The following CSMD1 variants were observed in gnomAD, a reference collection of about 807,000 sequenced individuals.
CSMD1 encodes CUB and Sushi multiple domains 1, also known as CUB and sushi domain-containing protein 1.
A neutral mutation model predicts 417.5 loss-of-function variants in CSMD1; 213 were observed. The observed-to-expected ratio is 0.51, with a 90% confidence interval of 0.46 to 0.57. The LOEUF is 0.57. Among genes scored for constraint, CSMD1 ranks in the 20% least tolerant of loss-of-function variants. The pLI, the probability that CSMD1 is intolerant of heterozygous loss-of-function variation, is 0.00. For synonymous variants in CSMD1, 2,862 were observed against 1,736.8 expected (o/e 1.65, Z -16.11); for missense variants, 6,923 against 4,529.7 (o/e 1.53, Z -15.17).
chr8:4,241,581 C>A (rs758536901), intron 3 of CSMD1, among the ~76,000 whole-genome samples: 10 of 152,130 alleles, frequency 6.6e-5, no homozygotes, highest in Non-Finnish European at 1.5e-4. Flanking sequence ...ACAGCGGACC[C>A]TAAATACCCG....
At chr8:4,446,316 C>T (rs1798785869) in intron 2 of CSMD1, among the ~76,000 whole-genome samples, 1 of 152,158 alleles carries the variant, frequency 6.6e-6, no homozygotes, top group Non-Finnish European at 1.5e-5. Context: ...GGGAGCCCAG[C>T]ATGGGTGGAT....
chr8:3,036,228 A>G (rs1311542668), intron 50 of CSMD1, among the ~76,000 whole-genome samples: 1 of 152,242 alleles, frequency 6.6e-6, no homozygotes, highest in Non-Finnish European at 1.5e-5. Context: ...AGGATAGAAG[A>G]ATAAACATTG....
At chr8:4,911,746 G>A (rs1052279175) in intron 1 of CSMD1, among the ~76,000 whole-genome samples, 6 of 151,962 alleles carry the variant, frequency 3.9e-5, no homozygotes, top group Non-Finnish European at 8.8e-5. Flanking sequence ...GGTAAATCAC[G>A]TTGGTTTCTT....
intron 10 of CSMD1, among the ~76,000 whole-genome samples, chr8:3,524,328 T>C (rs564966862): frequency 6.9e-6 from 1 of 144,082 alleles, no homozygotes; most frequent in East Asian, 2.1e-4. Flanking sequence ...CACATAAACA[T>C]GCACACACAC....
rs184343709 is a variant in CSMD1, at chr8:4,907,338, C to A, written c.85+86994G>T. Among the ~76,000 whole-genome samples, 542 of 152,256 alleles carry A rather than the reference C, an allele frequency of 3.6e-3. 3 individuals are homozygous for A. Among genetic ancestry groups the A allele is most frequent in the African/African-American group, 0.012 (517 of 41,562 alleles). On this transcript the variant is annotated intron_variant, in intron 1 of 69. Transcript: ENST00000635120. ...AACTCTCTCGCTATTAACCTTCAGA[C>A]AAAACGGCAAAAAGCTTGGGCTCCT...
chr8:4,421,629 T>TA (rs553993778), intron 2 of CSMD1, among the ~76,000 whole-genome samples: 96 of 151,916 alleles, frequency 6.3e-4, no homozygotes, highest in African/African-American at 2.3e-3. Context: ...AAAATACAGA[T>TA]AAACTGAATG....
chr8:3,343,734 T>G (rs1563292128), intron 22 of CSMD1, among the ~76,000 whole-genome samples: 1 of 152,206 alleles, frequency 6.6e-6, no homozygotes, highest in Non-Finnish European at 1.5e-5. Flanking sequence ...ATTAAATAAA[T>G]ATTTCTTTAC....
At chr8:3,651,731 C>A (rs183037628) in intron 7 of CSMD1, among the ~76,000 whole-genome samples, 2 of 151,528 alleles carry the variant, frequency 1.3e-5, no homozygotes, top group Admixed American at 1.3e-4. Context: ...CCAGCAACAG[C>A]GTGCTTACTA....
chr8:4,242,943 A>G (rs1340528851), intron 3 of CSMD1, among the ~76,000 whole-genome samples: 2 of 152,210 alleles, frequency 1.3e-5, no homozygotes, highest in Admixed American at 6.5e-5. Flanking sequence ...TCAATATATA[A>G]CATTGCATGA....
At chr8:4,528,071 C>T (rs997967332) in intron 2 of CSMD1, among the ~76,000 whole-genome samples, 3 of 152,178 alleles carry the variant, frequency 2.0e-5, no homozygotes, top group Non-Finnish European at 2.9e-5. Context: ...CCACCACATT[C>T]AGCAGCATAT....
chr8:3,083,741 T>C (rs1430606636), intron 49 of CSMD1, among the ~76,000 whole-genome samples: 1 of 141,774 alleles, frequency 7.1e-6, no homozygotes, highest in Non-Finnish European at 1.5e-5. Context: ...CTGCAGCCTC[T>C]GCCTCCTGCC....
intron 5 of CSMD1, among the ~76,000 whole-genome samples, chr8:3,850,325 C>G (rs183115829): frequency 1.3e-5 from 2 of 152,178 alleles, no homozygotes; most frequent in East Asian, 3.9e-4. Flanking sequence ...TCCATAGGGT[C>G]TCACCCCTGA....
At chr8:4,111,739 G>A (rs987004882) in intron 3 of CSMD1, among the ~76,000 whole-genome samples, 3 of 152,106 alleles carry the variant, frequency 2.0e-5, no homozygotes, top group Admixed American at 2.0e-4. Flanking sequence ...TGGAAACAGA[G>A]AGGGCAACAA....
intron 4 of CSMD1, among the ~76,000 whole-genome samples, chr8:4,023,656 G>A (rs975111026): frequency 2.7e-5 from 4 of 148,436 alleles, no homozygotes; most frequent in Non-Finnish European, 5.9e-5. Context: ...GCGCGATCTC[G>A]GCTCACTGCA....
intron 9 of CSMD1, among the ~76,000 whole-genome samples, chr8:3,577,440 C>T (rs1800197890): frequency 6.6e-6 from 1 of 152,030 alleles, no homozygotes; most frequent in Non-Finnish European, 1.5e-5. Context: ...TCCGTCTTTG[C>T]AACATATTTT....
intron 3 of CSMD1, among the ~76,000 whole-genome samples, chr8:4,397,867 C>T (rs777671675): frequency 9.9e-5 from 15 of 152,080 alleles, no homozygotes; most frequent in Non-Finnish European, 2.2e-4. Context: ...CTAATTAAAA[C>T]AATTTTCTTC....
chr8:3,563,228 T>A (rs1799548197), intron 10 of CSMD1, among the ~76,000 whole-genome samples: 1 of 152,006 alleles, frequency 6.6e-6, no homozygotes, highest in African/African-American at 2.4e-5. Context: ...CCTTCTAAAG[T>A]GACATCTCCG....
chr8:3,014,475 A>G (rs2128965594), intron 52 of CSMD1, among the ~76,000 whole-genome samples: 1 of 152,212 alleles, frequency 6.6e-6, no homozygotes, highest in Non-Finnish European at 1.5e-5. Flanking sequence ...CTTCCTTTCC[A>G]TAATATCTCA....
At chr8:3,808,355 T>C (rs1417973937) in intron 5 of CSMD1, among the ~76,000 whole-genome samples, 1 of 152,174 alleles carries the variant, frequency 6.6e-6, no homozygotes, top group African/African-American at 2.4e-5. Flanking sequence ...GTTTGGGTCT[T>C]GGTATATTCA....
Sources: gnomAD v4.1 joint callset for allele counts (sites outside exome capture counted in the v4.1 genomes callset) on GRCh38, gnomAD v4.1.1 for gene constraint, MANE v1.5 for transcripts, NCBI Gene and HGNC (gene_info 2026-07-23, HGNC 2026-07-21) for gene names.